Variants in GCNT2 observed in about 807,000 individuals in gnomAD.
GCNT2 encodes the protein N-acetyllactosaminide beta-1,6-N-acetylglucosaminyl-transferase.
In GCNT2, 34 loss-of-function variants were observed where a neutral mutation model predicts 34.2. The ratio of observed to expected loss-of-function variants is 1.00; its 90% CI spans 0.76 to 1.32. The LOEUF is 1.32. GCNT2 is among the 40% of genes most tolerant of loss of function. The pLI, the probability that GCNT2 is intolerant of heterozygous loss-of-function variation, is 0.00. For missense variants in GCNT2, 584 were observed against 489.4 expected, an observed-to-expected ratio of 1.19 and a Z score of -1.82; for synonymous variants, 212 against 188.0, an observed-to-expected ratio of 1.13 and a Z score of -1.04.
chr6:10,605,398 C>T (rs1765265968), intron 3 of GCNT2, among the ~76,000 whole-genome samples: 1 of 148,854 alleles, frequency 6.7e-6, no homozygotes, highest in Non-Finnish European at 1.5e-5. Flanking sequence ...TTTGTAGAGA[C>T]AGAATTTCAT....
At chr6:10,586,462 C>T (rs1561819722) in intron 3 of GCNT2, 1 of 1,614,024 alleles carries the variant, frequency 6.2e-7, no homozygotes, top group African/African-American at 1.3e-5. Context: ...AAGACAGAGT[C>T]TGTGGTTTAT....
chr6:10,529,192 G>C lies in GCNT2; in HGVS notation c.281G>C (p.Gly94Ala). Residue 94 changes from glycine (G) to alanine (A), a missense_variant, in exon 3 of 5, where the codon GGG becomes GCG. Physicochemically the swap from Gly to Ala is moderately conservative, Grantham distance 60. Coordinates refer to ENST00000495262, the MANE Select transcript of GCNT2 (RefSeq NM_145649.5). ...VTETLSEEEA[G>A]FPLAYTVTIH... ...GAAACACTCTCTGAAGAAGAGGCTG[G>C]GTTCCCTTTAGCTTACACAGTGACC... The C allele has an allele frequency of 6.2e-7, 1 of 1,614,130 alleles. No homozygotes were observed.
intron 3 of GCNT2, among the ~76,000 whole-genome samples, chr6:10,575,973 C>T (rs1763791427): frequency 6.6e-6 from 1 of 152,146 alleles, no homozygotes; most frequent in Non-Finnish European, 1.5e-5. Flanking sequence ...TCAGACTCAG[C>T]CCGCCTGCAC....
At chr6:10,576,671 CAGAA>C (rs147901429) in intron 3 of GCNT2, among the ~76,000 whole-genome samples, 4,454 of 151,860 alleles carry the variant, frequency 0.029, 197 homozygotes, top group African/African-American at 0.098. Flanking sequence ...AGGACAGAGA[CAGAA>C]AGAGATTTGG....
chr6:10,586,658 C>G (rs1201068944), intron 3 of GCNT2: 3 of 1,614,010 alleles, frequency 1.9e-6, no homozygotes, highest in African/African-American at 1.3e-5. Context: ...TGCCTCCTGA[C>G]CATGCAATTA....
intron 3 of GCNT2, among the ~76,000 whole-genome samples, chr6:10,588,150 G>C (rs1764438747): frequency 6.6e-6 from 1 of 152,128 alleles, no homozygotes; most frequent in South Asian, 2.1e-4. Flanking sequence ...GGGCAAGGTG[G>C]CTGGAGACGA....
At chr6:10,537,165 T>TTGTTTTCTTGA (rs1237494359) in intron 3 of GCNT2, among the ~76,000 whole-genome samples, 2 of 152,314 alleles carry the variant, frequency 1.3e-5, no homozygotes, top group East Asian at 3.9e-4. Flanking sequence ...AACAATGGCA[T>TTGTTTTCTTGA]TAATCACTTC....
intron 3 of GCNT2, among the ~76,000 whole-genome samples, chr6:10,532,617 A>C (rs762896221): frequency 6.6e-6 from 1 of 152,116 alleles, no homozygotes; most frequent in Admixed American, 6.5e-5. Flanking sequence ...GACTACAGGC[A>C]TGTGCCCCCA....
chr6:10,622,566 G>A (rs1277991325), intron 4 of GCNT2, among the ~76,000 whole-genome samples: 1 of 151,860 alleles, frequency 6.6e-6, no homozygotes, highest in Admixed American at 6.6e-5. Flanking sequence ...GAGACACTCA[G>A]TGTTAGGATT....
chr6:10,547,249 C>T (rs78564965), intron 3 of GCNT2, among the ~76,000 whole-genome samples: 1 of 152,184 alleles, frequency 6.6e-6, no homozygotes, highest in East Asian at 1.9e-4. Context: ...AAGACACCCA[C>T]CCCCATGTAA....
chr6:10,529,924 G>A (rs989744839), intron 3 of GCNT2, 88 bp downstream of exon 3: 2 of 1,060,534 alleles, frequency 1.9e-6, no homozygotes, highest in African/African-American at 1.6e-5. Context: ...TGGAAAAAAT[G>A]GGACAAACTT....
chr6:10,521,946 C>T (rs921044343), intron 1 of GCNT2, among the ~76,000 whole-genome samples: 6 of 151,384 alleles, frequency 4.0e-5, no homozygotes, highest in African/African-American at 1.5e-4. Flanking sequence ...GTCACCCAGG[C>T]GAGAGTACGG....
chr6:10,529,076 GA>G lies in GCNT2; in HGVS notation c.168del (p.Val57PhefsTer9). Reference protein sequence around the residue: ...AEACHQIFEGKVFYPTENALK... With the variant: ...AEACHQIFEGXVFYPTENALK... Reference sequence around the variant, plus strand: ...AAGCCTGTCATCAGATTTTTGAGGGGAAAGTTTTTTACCCAACAGAAAATGC... The same window carrying G: ...AAGCCTGTCATCAGATTTTTGAGGGGAAGTTTTTTACCCAACAGAAAATGC... On this transcript the variant is annotated frameshift_variant, in exon 3 of 5. Transcript: ENST00000495262. LOFTEE classifies it high-confidence loss of function. 1 of 1,614,098 alleles carries G rather than the reference GA, an allele frequency of 6.2e-7. No individual in the cohort carries two copies. The highest frequency in any genetic ancestry group is 2.2e-5 in the East Asian group (1 of 44,876).
intron 3 of GCNT2, among the ~76,000 whole-genome samples, chr6:10,559,652 G>A (rs955124647): frequency 6.6e-6 from 1 of 152,252 alleles, no homozygotes; most frequent in African/African-American, 2.4e-5. Flanking sequence ...CATCAACTTT[G>A]GCAAGCGCAT....
rs971332491 is a variant in GCNT2 at position 10,628,007 on chromosome 6, A to C, written c.*1400A>C. ...TATAATTACTCCCATTTTGCAGATG[A>C]AGTAACTGAGGCTTAGAAAGGTTAA... On this transcript the variant is annotated 3_prime_UTR_variant, in exon 5 of 5. Coordinates refer to ENST00000495262, the MANE Select transcript of GCNT2 (RefSeq NM_145649.5). The C allele has an allele frequency of 6.6e-6, 1 of 152,628 alleles. No individual in the cohort carries two copies. The highest frequency in any genetic ancestry group is 2.4e-5 in the African/African-American group (1 of 41,454). 9.5% of individuals were successfully genotyped at this position (152,628 alleles called of 1,614,324 possible).
intron 3 of GCNT2, among the ~76,000 whole-genome samples, chr6:10,545,392 C>G (rs1381599174): frequency 6.6e-6 from 1 of 152,078 alleles, no homozygotes; most frequent in Non-Finnish European, 1.5e-5. Flanking sequence ...GCTCAAACTT[C>G]CTTAGTGATT....
At chr6:10,624,227 C>T (rs1056699918) in intron 4 of GCNT2, among the ~76,000 whole-genome samples, 2 of 152,146 alleles carry the variant, frequency 1.3e-5, no homozygotes, top group African/African-American at 4.8e-5. Flanking sequence ...TCCGTTTTCA[C>T]ACTGCTGATA....
At chr6:10,588,904 G>GT (rs763963079) in intron 3 of GCNT2, among the ~76,000 whole-genome samples, 1 of 106,388 alleles carries the variant, frequency 9.4e-6, no homozygotes, top group African/African-American at 3.4e-5. Context: ...TGTGTTGTGT[G>GT]GTGTGTGTGT....
intron 3 of GCNT2, among the ~76,000 whole-genome samples, chr6:10,601,533 T>C (rs2127427701): frequency 6.6e-6 from 1 of 152,320 alleles, no homozygotes; most frequent in South Asian, 2.1e-4. Flanking sequence ...AAAACTCTGC[T>C]TAGGTTTGCA....
Sources: gnomAD v4.1 joint callset for allele counts (sites outside exome capture counted in the v4.1 genomes callset) on GRCh38, gnomAD v4.1.1 for gene constraint, MANE v1.5 for transcripts, NCBI Gene and HGNC (gene_info 2026-07-23, HGNC 2026-07-21) for gene names.